DNAH11: variants seen among roughly 807,000 people sequenced by gnomAD.
DNAH11 encodes dynein axonemal heavy chain 11.
A neutral mutation model predicts 526.0 loss-of-function variants in DNAH11; 442 were observed. The ratio of observed to expected loss-of-function variants is 0.84; its 90% CI spans 0.78 to 0.91. The LOEUF is 0.91. DNAH11 is among the 40% of genes least tolerant of loss of function. DNAH11 has a pLI of 0.00. For synonymous variants in DNAH11, 2,461 were observed against 1,935.9 expected, an observed-to-expected ratio of 1.27 and a Z score of -7.12; for missense variants, 6,989 against 5,448.7, an observed-to-expected ratio of 1.28 and a Z score of -8.90.
chr7:21,748,794 G>GC, intron 52 of DNAH11, 52 bp downstream of exon 52: 1 of 1,556,806 alleles, frequency 6.4e-7, no homozygotes, highest in Non-Finnish European at 8.7e-7. Context: ...GGCAGATAAA[G>GC]CCGAGGCTCC....
chr7:21,617,337 C>T (rs1010609144), intron 22 of DNAH11, among the ~76,000 whole-genome samples: 7 of 152,180 alleles, frequency 4.6e-5, no homozygotes, highest in Non-Finnish European at 7.4e-5. Flanking sequence ...TGCACGTGTC[C>T]TGTGAACTCT....
intron 76 of DNAH11, among the ~76,000 whole-genome samples, chr7:21,890,492 A>T (rs1453706168): frequency 6.6e-6 from 1 of 152,134 alleles, no homozygotes; most frequent in East Asian, 1.9e-4. Flanking sequence ...TTTTTGATTT[A>T]TTAAGGACAG....
chr7:21,588,500 A>T lies in DNAH11; in HGVS notation c.1849-12A>T. The T allele has an allele frequency of 6.2e-7, 1 of 1,612,680 alleles. No homozygotes were observed. Among genetic ancestry groups the T allele is most frequent in the Non-Finnish European group, 8.5e-7 (1 of 1,179,082 alleles). ...TCCCTTTCTTCCTCTTCACCAAAATATCAACTTGCAGATTGAATGTGGTCA... is the reference window on the plus strand; with the variant it reads ...TCCCTTTCTTCCTCTTCACCAAAATTTCAACTTGCAGATTGAATGTGGTCA... On this transcript the variant is annotated splice_polypyrimidine_tract_variant and intron_variant, in intron 10 of 81. Transcript: ENST00000409508.
At chr7:21,839,695 C>G (rs1453774529) in intron 65 of DNAH11, among the ~76,000 whole-genome samples, 1 of 152,036 alleles carries the variant, frequency 6.6e-6, no homozygotes, top group African/African-American at 2.4e-5. Context: ...GAGGTACTGA[C>G]AAGGTAAAAA....
At chr7:21,691,613 A>G (rs1220791783) in intron 35 of DNAH11, among the ~76,000 whole-genome samples, 1 of 152,212 alleles carries the variant, frequency 6.6e-6, no homozygotes, top group Non-Finnish European at 1.5e-5. Flanking sequence ...AATGATTGTT[A>G]TGTTTTCTAG....
chr7:21,577,077 G>A (rs1784124696), intron 8 of DNAH11, among the ~76,000 whole-genome samples: 1 of 152,198 alleles, frequency 6.6e-6, no homozygotes, highest in South Asian at 2.1e-4. Context: ...TGAGTTCCCT[G>A]GATTTTCCTG....
At chr7:21,602,489 A>T (rs1785130247) in intron 18 of DNAH11, among the ~76,000 whole-genome samples, 1 of 151,954 alleles carries the variant, frequency 6.6e-6, no homozygotes, top group Non-Finnish European at 1.5e-5. Flanking sequence ...TTTAATTAGA[A>T]CTGAAATCAT....
intron 71 of DNAH11, 82 bp from the exon 72 acceptor site, chr7:21,867,777 G>T (rs1265238184): frequency 1.5e-6 from 2 of 1,321,462 alleles, no homozygotes; most frequent in Non-Finnish European, 2.1e-6. Flanking sequence ...TCGTGTGCCT[G>T]TGTGGTTTAA....
intron 2 of DNAH11, among the ~76,000 whole-genome samples, chr7:21,545,559 T>G (rs1291154393): frequency 6.6e-6 from 1 of 152,226 alleles, no homozygotes; most frequent in Non-Finnish European, 1.5e-5. Flanking sequence ...TCAGTTCCTT[T>G]TTATACTTGT....
In DNAH11 at chr7:21,638,720, G is replaced by GTGTGTT. The variant is rs1297678567; in HGVS notation, c.4818-214_4818-213insTTGTGT. ...TGTGTGTGTGTGTGTGTGTGTGTGT[G>GTGTGTT]TGTGTGTGTGTGTATTTGGCATAGT... On this transcript the variant is annotated intron_variant, in intron 27 of 81. Coordinates refer to ENST00000409508, the MANE Select transcript of DNAH11 (RefSeq NM_001277115.2). 9.2e-5 allele frequency among the ~76,000 whole-genome samples: 14 copies of GTGTGTT among 151,508 alleles called. No individual in the cohort carries two copies. The South Asian group carries it at 2.9e-3, about 32-fold the overall frequency.
intron 41 of DNAH11, 40 bp downstream of exon 41, chr7:21,710,743 C>T: frequency 1.9e-6 from 3 of 1,575,158 alleles, no homozygotes; most frequent in South Asian, 1.2e-5. Flanking sequence ...ATATAACATC[C>T]TGAGTGTATT....
At chr7:21,834,571 A>G (rs1781919001) in intron 65 of DNAH11, among the ~76,000 whole-genome samples, 1 of 152,230 alleles carries the variant, frequency 6.6e-6, no homozygotes, top group Non-Finnish European at 1.5e-5. Flanking sequence ...AAACAAAATC[A>G]GCTATAATTC....
Position 21,780,014 on chromosome 7 carries a change from G to T in DNAH11, c.9483+910G>T, listed in dbSNP as rs191144058. 1.7e-4 allele frequency among the ~76,000 whole-genome samples: 19 copies of T among 109,102 alleles called. 1 individual carries two copies. The highest frequency in any genetic ancestry group is 5.6e-4 in the African/African-American group (17 of 30,564). The allele number at this position is 109,102 out of a possible 152,430, so 71.6% of individuals were successfully genotyped here. A position where few individuals can be genotyped will look rare whatever the true frequency, so the allele number is the denominator to read the frequency against. ...GTGGTGTTGCCATTCATATACAATT[G>T]AGTTGATTTTCTTTTTTTTTTTCCA... On this transcript the variant is annotated intron_variant, in intron 57 of 81. Transcript: ENST00000409508.
chr7:21,787,369 G>C (rs751258668), intron 59 of DNAH11, 32 bp from the exon 60 acceptor site: 7 of 1,570,672 alleles, frequency 4.5e-6, no homozygotes, highest in South Asian at 1.2e-5. Context: ...AGCCAAAATG[G>C]GTTCATTGCA....
chr7:21,632,984 G>T (rs949074155), intron 25 of DNAH11, among the ~76,000 whole-genome samples: 1 of 152,196 alleles, frequency 6.6e-6, no homozygotes, highest in Non-Finnish European at 1.5e-5. Context: ...TGTGGCTGGG[G>T]AGGCCTCACA....
chr7:21,868,120 T>TA (rs1422724210), intron 72 of DNAH11, 113 bp downstream of exon 72: 2 of 1,054,222 alleles, frequency 1.9e-6, no homozygotes, highest in Non-Finnish European at 1.3e-6. Flanking sequence ...TTTTTTTTTT[T>TA]AATTTGTTGA....
intron 63 of DNAH11, among the ~76,000 whole-genome samples, chr7:21,808,672 A>G (rs1446666298): frequency 6.6e-6 from 1 of 152,242 alleles, no homozygotes; most frequent in Non-Finnish European, 1.5e-5. Flanking sequence ...CACTTAACAT[A>G]AAGTCCTCCA....
chr7:21,651,116 ATAT>A (rs1404707802), intron 28 of DNAH11, among the ~76,000 whole-genome samples: 10 of 152,126 alleles, frequency 6.6e-5, no homozygotes, highest in African/African-American at 2.2e-4. Context: ...ATTCTTACAA[ATAT>A]TATTATGAAT....
chr7:21,805,770 T>C (rs1373916544), intron 62 of DNAH11, among the ~76,000 whole-genome samples: 1 of 152,136 alleles, frequency 6.6e-6, no homozygotes, highest in African/African-American at 2.4e-5. Flanking sequence ...GAAAAGAAAA[T>C]TGTATCATGT....
Sources: gnomAD v4.1 joint callset for allele counts (sites outside exome capture counted in the v4.1 genomes callset) on GRCh38, gnomAD v4.1.1 for gene constraint, MANE v1.5 for transcripts, NCBI Gene and HGNC (gene_info 2026-07-23, HGNC 2026-07-21) for gene names.